IGF2BP3: variants seen among roughly 807,000 people sequenced by gnomAD.
The protein encoded by IGF2BP3 is insulin-like growth factor 2 mRNA-binding protein 3.
In IGF2BP3, 9 loss-of-function variants were observed where a neutral mutation model predicts 73.8. That is an observed-to-expected ratio of 0.12 (90% CI 0.07 to 0.21). The LOEUF (loss-of-function observed/expected upper bound fraction) is 0.21, where lower values mean the gene tolerates loss of function less well. IGF2BP3 is among the 10% of genes least tolerant of loss of function. The pLI, the probability that IGF2BP3 is intolerant of heterozygous loss-of-function variation, is 1.00. For synonymous variants in IGF2BP3, 258 were observed against 256.7 expected (o/e 1.01, Z -0.05); for missense variants, 542 against 714.0 (o/e 0.76, Z 2.75).
At chr7:23,324,405 G>A (rs1784237416) in intron 10 of IGF2BP3, among the ~76,000 whole-genome samples, 1 of 150,838 alleles carries the variant, frequency 6.6e-6, no homozygotes, top group South Asian at 2.1e-4. Flanking sequence ...CCAATAACAG[G>A]AGCTGAAATT....
rs555858519 is a variant in IGF2BP3, at chr7:23,393,644, A to G, written c.285+25132T>C. Among the ~76,000 whole-genome samples the G allele has an allele frequency of 1.6e-4, 25 of 152,338 alleles. 2 individuals carry two copies. In the South Asian group the frequency reaches 5.2e-3, roughly 32 times the overall value. ...CCATTTGAATGTGCTCTCTTCACAC[A>G]TTGGGAGAATTTTTATATTCTCAAA... On this transcript the variant is annotated intron_variant, in intron 3 of 14. Coordinates refer to ENST00000258729, the MANE Select transcript of IGF2BP3 (RefSeq NM_006547.3).
intron 3 of IGF2BP3, among the ~76,000 whole-genome samples, chr7:23,388,526 G>A (rs1316683863): frequency 2.6e-5 from 4 of 151,806 alleles, no homozygotes; most frequent in Admixed American, 2.6e-4. Context: ...AGGCTTCTAT[G>A]GGAAAATAAA....
At chr7:23,357,026 G>C (rs1785113423) in intron 5 of IGF2BP3, among the ~76,000 whole-genome samples, 1 of 152,118 alleles carries the variant, frequency 6.6e-6, no homozygotes, top group South Asian at 2.1e-4. Flanking sequence ...TAATGCATGG[G>C]ACAAAGTCTA....
At chr7:23,448,096 C>T (rs6956228) in intron 2 of IGF2BP3, among the ~76,000 whole-genome samples, 58,234 of 152,082 alleles carry the variant, frequency 0.38, 11,997 homozygotes, top group African/African-American at 0.52. Context: ...TGTCAGAGGC[C>T]GGACTCTCCA....
At chr7:23,458,203 C>T (rs908629610) in intron 2 of IGF2BP3, among the ~76,000 whole-genome samples, 6 of 152,132 alleles carry the variant, frequency 3.9e-5, no homozygotes, top group East Asian at 1.9e-4. Context: ...CCTCAAGCTA[C>T]AGCATGCATT....
At chr7:23,404,050 G>T (rs1437619159) in intron 3 of IGF2BP3, among the ~76,000 whole-genome samples, 1 of 151,858 alleles carries the variant, frequency 6.6e-6, no homozygotes, top group African/African-American at 2.4e-5. Flanking sequence ...AAGGCAGGAG[G>T]ATTGCTTGAG....
chr7:23,334,086 A>C (rs1240606231), intron 10 of IGF2BP3, among the ~76,000 whole-genome samples: 1 of 152,196 alleles, frequency 6.6e-6, no homozygotes, highest in East Asian at 1.9e-4. Context: ...CTGTACTCCC[A>C]GCACTTTGGA....
chr7:23,409,767 G>A (rs2128530383), intron 3 of IGF2BP3, among the ~76,000 whole-genome samples: 1 of 152,296 alleles, frequency 6.6e-6, no homozygotes, highest in East Asian at 1.9e-4. Flanking sequence ...GACAATAGGA[G>A]AAAACCTTCA....
At chr7:23,398,221 G>C (rs1786540947) in intron 3 of IGF2BP3, among the ~76,000 whole-genome samples, 1 of 152,078 alleles carries the variant, frequency 6.6e-6, no homozygotes, top group Non-Finnish European at 1.5e-5. Context: ...TTTCATCCAT[G>C]TTCCTACAAA....
chr7:23,404,860 A>AATT (rs1786779761), intron 3 of IGF2BP3, among the ~76,000 whole-genome samples: 1 of 152,078 alleles, frequency 6.6e-6, no homozygotes, highest in Admixed American at 6.6e-5. Context: ...TGTCACTCCC[A>AATT]ATTGGTTTAC....
chr7:23,331,638 T>A (rs1487950582), intron 10 of IGF2BP3, among the ~76,000 whole-genome samples: 1 of 152,080 alleles, frequency 6.6e-6, no homozygotes, highest in African/African-American at 2.4e-5. Context: ...GGTGGGTGGA[T>A]CACCTGAGGT....
chr7:23,342,218 G>C (rs377135948), intron 9 of IGF2BP3, 29 bp from the exon 10 acceptor site: 61 of 1,611,178 alleles, frequency 3.8e-5, no homozygotes, highest in Non-Finnish European at 5.1e-5. Context: ...CCCTTAATTT[G>C]ACAATTAAAA....
At chr7:23,340,397 T>C (rs1222840017) in intron 10 of IGF2BP3, among the ~76,000 whole-genome samples, 1 of 152,132 alleles carries the variant, frequency 6.6e-6, no homozygotes, top group African/African-American at 2.4e-5. Flanking sequence ...TTTGGTGGGT[T>C]CAAGGACAGG....
chr7:23,325,159 A>G (rs1000144813), intron 10 of IGF2BP3, among the ~76,000 whole-genome samples: 1 of 152,196 alleles, frequency 6.6e-6, no homozygotes, highest in Non-Finnish European at 1.5e-5. Flanking sequence ...ACATGATTGT[A>G]TATCTAGAAA....
intron 3 of IGF2BP3, among the ~76,000 whole-genome samples, chr7:23,399,342 A>T (rs1296639849): frequency 1.3e-5 from 2 of 151,956 alleles, no homozygotes; most frequent in African/African-American, 4.8e-5. Context: ...ATGTATACAT[A>T]TGTAACCTGC....
intron 3 of IGF2BP3, among the ~76,000 whole-genome samples, chr7:23,372,259 G>T (rs1332728392): frequency 6.6e-6 from 1 of 152,034 alleles, no homozygotes; most frequent in Non-Finnish European, 1.5e-5. Flanking sequence ...ATTTTTAGTA[G>T]AGATGGGGTT....
intron 10 of IGF2BP3, among the ~76,000 whole-genome samples, chr7:23,322,171 G>C (rs56370870): frequency 1.3e-5 from 2 of 152,076 alleles, no homozygotes; most frequent in African/African-American, 4.8e-5. Context: ...TGAAAACTTT[G>C]AAAAAAGTTT....
chr7:23,449,240 G>A (rs923808887), intron 2 of IGF2BP3, among the ~76,000 whole-genome samples: 5 of 152,080 alleles, frequency 3.3e-5, no homozygotes, highest in Non-Finnish European at 5.9e-5. Context: ...GATACAGGCC[G>A]GGCGTGGTGG....
intron 8 of IGF2BP3, among the ~76,000 whole-genome samples, chr7:23,345,518 G>A (rs1784808173): frequency 6.6e-6 from 1 of 152,244 alleles, no homozygotes; most frequent in Non-Finnish European, 1.5e-5. Flanking sequence ...GCAGCATTGT[G>A]AGACCCCAAG....
Sources: gnomAD v4.1 joint callset for allele counts (sites outside exome capture counted in the v4.1 genomes callset) on GRCh38, gnomAD v4.1.1 for gene constraint, MANE v1.5 for transcripts, NCBI Gene and HGNC (gene_info 2026-07-23, HGNC 2026-07-21) for gene names.